The following TMCO5A variants were observed in gnomAD, a reference collection of about 807,000 sequenced individuals.
TMCO5A encodes transmembrane and coiled-coil domain-containing protein 5A.
In TMCO5A, 34 loss-of-function variants were observed where a neutral mutation model predicts 42.3. The observed-to-expected ratio is 0.80, with a 90% CI of 0.61 to 1.07. The LOEUF is 1.07. Among genes scored for constraint, TMCO5A ranks in the 50% least tolerant of loss-of-function variants. TMCO5A has a pLI of 0.00. For missense variants in TMCO5A, 357 were observed against 327.9 expected, an observed-to-expected ratio of 1.09 and a Z score of -0.69; for synonymous variants, 131 against 115.6, an observed-to-expected ratio of 1.13 and a Z score of -0.86.
chr15:37,948,271 C>T (rs770205521), intron 11 of TMCO5A, among the ~76,000 whole-genome samples: 4 of 152,090 alleles, frequency 2.6e-5, no homozygotes, highest in Admixed American at 6.6e-5. Flanking sequence ...TTGGTATTCA[C>T]GAAGCTCCTA....
At chr15:37,989,423 AT>A in the TMCO5A span, among the ~76,000 whole-genome samples, 3 of 152,008 alleles carry the variant, frequency 2.0e-5, no homozygotes, top group Non-Finnish European at 4.4e-5. Flanking sequence ...TTTCTCAAAT[AT>A]AAATATTTAT....
chr15:37,973,148 CT>C, the TMCO5A span, among the ~76,000 whole-genome samples: 1 of 130,992 alleles, frequency 7.6e-6, no homozygotes, highest in East Asian at 2.0e-4. Flanking sequence ...TTTTTATTTT[CT>C]TTTTTTCCTT....
intron 11 of TMCO5A, among the ~76,000 whole-genome samples, chr15:37,965,304 A>G (rs540501933): frequency 4.1e-4 from 63 of 152,326 alleles, no homozygotes; most frequent in African/African-American, 1.5e-3. Flanking sequence ...TCAGCCTATG[A>G]AACTAGCACA....
the TMCO5A span, among the ~76,000 whole-genome samples, chr15:38,002,728 A>G: frequency 1.3e-5 from 2 of 151,782 alleles, no homozygotes; most frequent in East Asian, 3.9e-4. Context: ...CTCTTCATTA[A>G]TTTCATCTGA....
At chr15:38,012,865 G>A in the TMCO5A span, among the ~76,000 whole-genome samples, 1,830 of 152,190 alleles carry the variant, frequency 0.012, 29 homozygotes, top group African/African-American at 0.041. Flanking sequence ...ATCATTTATA[G>A]GGGATTAGCT....
At chr15:37,965,773 T>G (rs1890540741) in intron 11 of TMCO5A, among the ~76,000 whole-genome samples, 1 of 152,034 alleles carries the variant, frequency 6.6e-6, no homozygotes, top group Non-Finnish European at 1.5e-5. Context: ...GGCAAAGATA[T>G]AGAGAAAAGG....
chr15:38,022,217 G>A, the TMCO5A span, among the ~76,000 whole-genome samples: 2 of 152,076 alleles, frequency 1.3e-5, no homozygotes, highest in Non-Finnish European at 2.9e-5. Flanking sequence ...ACCTGCACAC[G>A]AATTTATTTT....
the TMCO5A span, among the ~76,000 whole-genome samples, chr15:37,987,153 T>C: frequency 3.0e-4 from 46 of 152,184 alleles, no homozygotes; most frequent in South Asian, 8.7e-3. Context: ...TTTCTAATAA[T>C]TAGTGATGTT....
At chr15:37,945,739 TGTTTAA>T (rs1009305298) in intron 10 of TMCO5A, among the ~76,000 whole-genome samples, 5 of 152,178 alleles carry the variant, frequency 3.3e-5, no homozygotes, top group African/African-American at 7.2e-5. Context: ...CTTGTAAATT[TGTTTAA>T]GTTCCTTGTA....
chr15:37,936,215 G>A, intron 2 of TMCO5A, 99 bp from the exon 3 acceptor site: 1 of 1,367,336 alleles, frequency 7.3e-7, no homozygotes, highest in African/African-American at 1.5e-5. Context: ...GAGAGAGTAA[G>A]GTTAATAAAC....
chr15:37,993,117 C>A, the TMCO5A span, among the ~76,000 whole-genome samples: 2 of 151,774 alleles, frequency 1.3e-5, no homozygotes, highest in Non-Finnish European at 2.9e-5. Context: ...TCATTCTGTT[C>A]ATACATTGTT....
At chr15:37,965,114 C>T (rs893948158) in intron 11 of TMCO5A, among the ~76,000 whole-genome samples, 4 of 152,010 alleles carry the variant, frequency 2.6e-5, no homozygotes, top group Admixed American at 2.0e-4. Context: ...AATATGCACA[C>T]CTAAAGTGAA....
chr15:38,030,264 T>C, the TMCO5A span, among the ~76,000 whole-genome samples: 53,167 of 152,032 alleles, frequency 0.35, 11,020 homozygotes, highest in East Asian at 0.67. Context: ...TCTATCCCTG[T>C]CTAACAAATT....
chr15:38,001,774 A>G, the TMCO5A span, among the ~76,000 whole-genome samples: 1 of 152,126 alleles, frequency 6.6e-6, no homozygotes, highest in Non-Finnish European at 1.5e-5. Flanking sequence ...ACAAAGTAAC[A>G]AGCAAGCAAA....
chr15:37,956,279 A>C (rs564069535), downstream of TMCO5A, among the ~76,000 whole-genome samples: 1 of 152,176 alleles, frequency 6.6e-6, no homozygotes, highest in Non-Finnish European at 1.5e-5. Context: ...GACACAAAAA[A>C]CCCTTCAAAA....
chr15:37,958,332 A>G (rs1306824512), intron 11 of TMCO5A, among the ~76,000 whole-genome samples: 1 of 152,122 alleles, frequency 6.6e-6, no homozygotes, highest in East Asian at 1.9e-4. Context: ...AATTTTTGCA[A>G]TCTATCTATC....
At chr15:37,963,785 G>A (rs1890488986) in intron 11 of TMCO5A, among the ~76,000 whole-genome samples, 1 of 152,076 alleles carries the variant, frequency 6.6e-6, no homozygotes, top group Non-Finnish European at 1.5e-5. Context: ...GTTGGACAAG[G>A]CCTTTCGCCA....
chr15:38,017,926 G>A, the TMCO5A span, among the ~76,000 whole-genome samples: 1 of 152,144 alleles, frequency 6.6e-6, no homozygotes, highest in Admixed American at 6.6e-5. Flanking sequence ...TTGAAAGCGT[G>A]TGGCACTTCC....
chr15:37,946,563 G>A (rs1472120756), intron 10 of TMCO5A, among the ~76,000 whole-genome samples: 3 of 152,030 alleles, frequency 2.0e-5, no homozygotes, highest in Non-Finnish European at 2.9e-5. Flanking sequence ...AGTTCTCCTT[G>A]AAGGAGTCTT....
Sources: allele counts gnomAD v4.1 joint callset (sites outside exome capture counted in the v4.1 genomes callset), GRCh38; gene constraint gnomAD v4.1.1; transcripts MANE v1.5; gene names NCBI Gene and HGNC (gene_info 2026-07-23, HGNC 2026-07-21).